Variants in FBXL13 observed in about 807,000 individuals in gnomAD.
The protein encoded by FBXL13 is F-box and leucine rich repeat protein 13.
Under a neutral mutation model 83.6 loss-of-function variants are expected in FBXL13, and 67 were observed. That is an observed-to-expected ratio of 0.80 (90% CI 0.66 to 0.98). The LOEUF is 0.98. Ranked by LOEUF, FBXL13 falls within the 50% of genes least tolerant of loss-of-function variation. The pLI is 0.00. For missense variants in FBXL13, 822 were observed against 866.5 expected, an observed-to-expected ratio of 0.95 and a Z score of 0.64; for synonymous variants, 272 against 299.5, an observed-to-expected ratio of 0.91 and a Z score of 0.95.
intron 19 of FBXL13, among the ~76,000 whole-genome samples, chr7:102,818,764 GTTCCCTTTATTT>G (rs997333998): frequency 6.6e-6 from 1 of 152,066 alleles, no homozygotes; most frequent in Non-Finnish European, 1.5e-5. Context: ...TATATCAAAA[GTTCCCTTTATTT>G]TTTTAAAAAA....
At chr7:102,835,756 C>G (rs192273799) in intron 17 of FBXL13, among the ~76,000 whole-genome samples, 6,581 of 146,656 alleles carry the variant, frequency 0.045, 227 homozygotes, top group East Asian at 0.12. Flanking sequence ...ACTACAGGCG[C>G]CCGCCACTAC....
chr7:103,044,944 T>C (rs1302471718), intron 2 of FBXL13, among the ~76,000 whole-genome samples: 1 of 152,236 alleles, frequency 6.6e-6, no homozygotes, highest in African/African-American at 2.4e-5. Flanking sequence ...TAGAGACATA[T>C]TTATCCTTTA....
chr7:102,912,981 G>T, intron 11 of FBXL13, 105 bp downstream of exon 12: 1 of 1,430,608 alleles, frequency 7.0e-7, no homozygotes, highest in Non-Finnish European at 9.5e-7. Context: ...TGAAAAGTGT[G>T]CTGCGGTCCG....
At chr7:102,871,350 C>G (rs1039134443) in intron 16 of FBXL13, among the ~76,000 whole-genome samples, 1 of 151,956 alleles carries the variant, frequency 6.6e-6, no homozygotes. Flanking sequence ...AGAGGTGGGA[C>G]CTCCATCCTC....
At chr7:102,956,638 T>A (rs1179373481) in intron 8 of FBXL13, among the ~76,000 whole-genome samples, 1 of 152,150 alleles carries the variant, frequency 6.6e-6, no homozygotes, top group Non-Finnish European at 1.5e-5. Context: ...GAAAACCCCA[T>A]CATCTCAGCC....
At chr7:102,944,135 G>T in intron 8 of FBXL13, 2 of 1,154,264 alleles carry the variant, frequency 1.7e-6, no homozygotes, top group Non-Finnish European at 2.4e-6. Context: ...TTTAAAATTT[G>T]TATTTGTCCT....
chr7:102,901,969 C>CATAT (rs1288710851), intron 11 of FBXL13, among the ~76,000 whole-genome samples: 5 of 152,262 alleles, frequency 3.3e-5, no homozygotes, highest in African/African-American at 7.2e-5. Context: ...ATTGCTGTAT[C>CATAT]ATATGATAGC....
At chr7:102,941,365 G>A (rs930289545) in intron 8 of FBXL13, among the ~76,000 whole-genome samples, 2 of 151,848 alleles carry the variant, frequency 1.3e-5, no homozygotes, top group Non-Finnish European at 2.9e-5. Context: ...AACTCACTTC[G>A]ACCCCCTATG....
chr7:102,931,261 C>G (rs1268765165), intron 9 of FBXL13, among the ~76,000 whole-genome samples: 2 of 152,212 alleles, frequency 1.3e-5, no homozygotes, highest in African/African-American at 4.8e-5. Context: ...TACACAGAAA[C>G]TGAAACAAGT....
chr7:103,006,457 C>T (rs1172000475), intron 6 of FBXL13, among the ~76,000 whole-genome samples: 2 of 152,006 alleles, frequency 1.3e-5, no homozygotes, highest in Admixed American at 1.3e-4. Context: ...AAAATGGAGA[C>T]GTGTCATTGA....
intron 6 of FBXL13, among the ~76,000 whole-genome samples, chr7:102,996,565 C>T (rs1291617517): frequency 6.6e-6 from 1 of 152,170 alleles, no homozygotes; most frequent in South Asian, 2.1e-4. Context: ...GATTAACTCA[C>T]TCAAACTCCA....
intron 14 of FBXL13, among the ~76,000 whole-genome samples, chr7:102,879,475 A>C (rs1440175089): frequency 9.0e-6 from 1 of 111,642 alleles, no homozygotes; most frequent in Admixed American, 8.4e-5. Flanking sequence ...GTGTGTGTAG[A>C]AATTCATATT....
chr7:102,975,848 G>C (rs2129482837), intron 6 of FBXL13: 1 of 681,944 alleles, frequency 1.5e-6, no homozygotes, highest in African/African-American at 1.8e-5. Context: ...GAAAGTAAAA[G>C]GCAAAAACAG....
At chr7:102,955,471 T>C (rs1824100576) in intron 8 of FBXL13, among the ~76,000 whole-genome samples, 1 of 151,314 alleles carries the variant, frequency 6.6e-6, no homozygotes, top group African/African-American at 2.4e-5. Flanking sequence ...AACATCACAA[T>C]TAAAAGAACT....
At chr7:103,071,440 G>C (rs553195213) in intron 1 of FBXL13, among the ~76,000 whole-genome samples, 100 of 152,098 alleles carry the variant, frequency 6.6e-4, no homozygotes, top group Non-Finnish European at 1.2e-3. Flanking sequence ...CTGGAGTTCA[G>C]TGGTGCAATC....
At chr7:103,045,437 C>G (rs1796174153) in intron 2 of FBXL13, among the ~76,000 whole-genome samples, 1 of 152,132 alleles carries the variant, frequency 6.6e-6, no homozygotes, top group South Asian at 2.1e-4. Context: ...GAGAGATTGA[C>G]CAAAACTTTA....
intron 16 of FBXL13, among the ~76,000 whole-genome samples, chr7:102,855,137 A>G (rs1805843890): frequency 6.6e-6 from 1 of 152,204 alleles, no homozygotes; most frequent in African/African-American, 2.4e-5. Flanking sequence ...TTATCTTGCC[A>G]CTTGTTTCCA....
chr7:102,846,670 G>A (rs1307708613), intron 17 of FBXL13, among the ~76,000 whole-genome samples: 2 of 151,618 alleles, frequency 1.3e-5, no homozygotes, highest in African/African-American at 4.9e-5. Context: ...CTTACTTGAA[G>A]GTATGGAGTA....
At chr7:102,992,921 C>T (rs1829731435) in intron 6 of FBXL13, among the ~76,000 whole-genome samples, 1 of 152,160 alleles carries the variant, frequency 6.6e-6, no homozygotes, top group Admixed American at 6.5e-5. Context: ...AACACTTTAA[C>T]AGAGACAGCG....
Sources: allele counts gnomAD v4.1 joint callset (sites outside exome capture counted in the v4.1 genomes callset), GRCh38; gene constraint gnomAD v4.1.1; transcripts MANE v1.5; gene names NCBI Gene and HGNC (gene_info 2026-07-23, HGNC 2026-07-21).